The following TIMM13 variants were observed in gnomAD, a reference collection of about 807,000 sequenced individuals.
TIMM13 encodes mitochondrial import inner membrane translocase subunit Tim13.
TIMM13 carries 8 observed loss-of-function variants against 10.9 expected under a neutral mutation model. The observed-to-expected ratio is 0.73, with a 90% CI of 0.43 to 1.32. The LOEUF (loss-of-function observed/expected upper bound fraction) is 1.32. Ranked by LOEUF, TIMM13 falls within the 40% of genes most tolerant of loss-of-function variation. TIMM13 has a pLI of 0.01. For missense variants in TIMM13, 147 were observed against 132.8 expected (o/e 1.11, Z -0.53); for synonymous variants, 68 against 52.5 (o/e 1.30, Z -1.28).
intron 2 of TIMM13, 87 bp from the exon 3 acceptor site, chr19:2,427,133 G>C: frequency 6.4e-7 from 1 of 1,563,412 alleles, no homozygotes; most frequent in South Asian, 1.1e-5. Context: ...CGCCCGGGCT[G>C]CAGACTACGC....
rs1307345630 is a variant in TIMM13 at position 2,427,246 on chromosome 19, C to T, written c.189+10G>A. The T allele has an allele frequency of 1.9e-6, 3 of 1,612,468 alleles. No homozygotes were observed. Among genetic ancestry groups the T allele is most frequent in the Non-Finnish European group, 2.5e-6 (3 of 1,179,590 alleles). ...TCGCGACCCTTGCCCCGAACCTCCG[C>T]GGGTCTCACCTGCTCGGAGTTGTCC... On this transcript the variant is annotated intron_variant, in intron 2 of 2. Coordinates refer to ENST00000215570, the MANE Select transcript of TIMM13 (RefSeq NM_012458.4).
In TIMM13 at chr19:2,426,580, T is replaced by G. The variant is rs1971641010; in HGVS notation, c.*368A>C. Reference sequence around the variant, plus strand: ...GAGGTTTCTCTCCGTCCTCCACCAATTTATTTGCCCATCCGCAGGAGGTGA... The same window carrying G: ...GAGGTTTCTCTCCGTCCTCCACCAAGTTATTTGCCCATCCGCAGGAGGTGA... On this transcript the variant is annotated 3_prime_UTR_variant, in exon 3 of 3. Coordinates refer to ENST00000215570, the MANE Select transcript of TIMM13 (RefSeq NM_012458.4). 8.5e-6 allele frequency: 3 copies of G among 352,626 alleles called. No homozygotes were observed. Among genetic ancestry groups the G allele is most frequent in the Non-Finnish European group, 1.6e-5 (3 of 190,144 alleles). 21.8% of individuals were successfully genotyped at this position (352,626 alleles called of 1,614,324 possible). A position where few individuals can be genotyped will look rare whatever the true frequency, so the allele number is the denominator to read the frequency against.
At position 2,425,890 on chromosome 19, in the gene TIMM13, AC is replaced by A; in HGVS notation, c.*1057del. The A allele has an allele frequency of 6.4e-7, 1 of 1,554,362 alleles. No homozygotes were observed. Among genetic ancestry groups the A allele is most frequent in the Non-Finnish European group, 8.6e-7 (1 of 1,157,404 alleles). On this transcript the variant is annotated 3_prime_UTR_variant, in exon 3 of 3. Coordinates refer to ENST00000215570, the MANE Select transcript of TIMM13 (RefSeq NM_012458.4). Reference sequence around the variant, plus strand: ...ACCCAAGGGCTGCTGTAGGGGAGGTACCGGCCTCTGAACCCCCTTTCTTCTC... The same window carrying A: ...ACCCAAGGGCTGCTGTAGGGGAGGTACGGCCTCTGAACCCCCTTTCTTCTC...
In TIMM13 at chr19:2,426,076, C is replaced by T. The variant is rs777435631; in HGVS notation, c.*872G>A. On this transcript the variant is annotated 3_prime_UTR_variant, in exon 3 of 3. Transcript: ENST00000215570. ...CTGTGAGAGGCTGGATAGGACAGCA[C>T]ATCCAGGAGTGACCACCACGTGACT... 4 of 1,606,070 alleles carry T rather than the reference C, an allele frequency of 2.5e-6. No homozygotes were observed. The African/African-American group carries it at 4.0e-5, about 16-fold the overall frequency.
In TIMM13 at chr19:2,425,877, C is replaced by T; in HGVS notation, c.*1071G>A. 3 of 1,535,804 alleles carry T rather than the reference C, an allele frequency of 2.0e-6. No individual in the cohort carries two copies. In the South Asian group the frequency reaches 3.8e-5, roughly 19 times the overall value. ...AGAGGGGCCAATGACCCAAGGGCTG[C>T]TGTAGGGGAGGTACCGGCCTCTGAA... On this transcript the variant is annotated 3_prime_UTR_variant, in exon 3 of 3. Transcript: ENST00000215570.
At position 2,426,391 on chromosome 19, in the gene TIMM13, G is replaced by A. The variant is rs1039662054; in HGVS notation, c.*557C>T. 4 of 353,208 alleles carry A rather than the reference G, an allele frequency of 1.1e-5. No individual in the cohort carries two copies. The highest frequency in any genetic ancestry group is 9.6e-5 in the Admixed American group (2 of 20,792). The allele number at this position is 353,208 out of a possible 1,614,324, so 21.9% of individuals were successfully genotyped here. Reference sequence around the variant, plus strand: ...GGAAGGCTGTCCCCCTTAGCCTTTGGGGCAGGGGTGGCAGCAGCAACACAT... The same window carrying A: ...GGAAGGCTGTCCCCCTTAGCCTTTGAGGCAGGGGTGGCAGCAGCAACACAT... On this transcript the variant is annotated 3_prime_UTR_variant, in exon 3 of 3. Transcript: ENST00000215570.
intron 2 of TIMM13, 49 bp downstream of exon 2, chr19:2,427,207 T>A (rs200463891): frequency 8.0e-6 from 10 of 1,254,904 alleles, no homozygotes; most frequent in Non-Finnish European, 9.4e-6. Context: ...ACCTCCCCCC[T>A]CGAATCTAGG....
rs374548115 is a variant in TIMM13 at position 2,425,892 on chromosome 19, C to T, written c.*1056G>A. The T allele has an allele frequency of 3.0e-5, 46 of 1,555,174 alleles. No homozygotes were observed. Among genetic ancestry groups the T allele is most frequent in the Non-Finnish European group, 4.0e-5 (46 of 1,157,816 alleles). ...CCAAGGGCTGCTGTAGGGGAGGTAC[C>T]GGCCTCTGAACCCCCTTTCTTCTCT... On this transcript the variant is annotated 3_prime_UTR_variant, in exon 3 of 3. Transcript: ENST00000215570.
Position 2,427,483 on chromosome 19 carries a change from C to T in TIMM13, c.51G>A (p.Leu17=). The T allele has an allele frequency of 1.9e-6, 3 of 1,612,290 alleles. No individual in the cohort carries two copies. The highest frequency in any genetic ancestry group is 2.5e-6 in the Non-Finnish European group (3 of 1,179,546). Residue 17 remains leucine (L), a synonymous_variant, in exon 1 of 3, where the codon CTG becomes CTA. Transcript: ENST00000215570. ...CCTGCTCCATTATGAGCCCTGGGTC[C>T]AGCTTCCCGCTGCCGGAGCCCCCGA... ...SDFGGSGSGK[L]DPGLIMEQVK... is the part of the protein sequence containing the mutation.
rs1568197361 is a variant in TIMM13, at chr19:2,426,843, GGT to G, written c.*103_*104del. On this transcript the variant is annotated 3_prime_UTR_variant, in exon 3 of 3. Coordinates refer to ENST00000215570, the MANE Select transcript of TIMM13 (RefSeq NM_012458.4). ...ACACAGTCCCGTGTGTCCCAGCACC[GGT>G]GCCACCCTCCTAAGCCCCGGGCAGG... 1.8e-6 allele frequency: 2 copies of G among 1,135,836 alleles called. No individual in the cohort carries two copies. The highest frequency in any genetic ancestry group is 3.1e-5 in the African/African-American group (2 of 65,366). The allele number at this position is 1,135,836 out of a possible 1,614,324, so 70.4% of individuals were successfully genotyped here. A position where few individuals can be genotyped will look rare whatever the true frequency, so the allele number is the denominator to read the frequency against.
Position 2,426,639 on chromosome 19 carries a change from G to GAAGTC in TIMM13, c.*304_*308dup. On this transcript the variant is annotated 3_prime_UTR_variant, in exon 3 of 3. Coordinates refer to ENST00000215570, the MANE Select transcript of TIMM13 (RefSeq NM_012458.4). ...GTGGTGTCTGACCACCCCCAACTCC[G>GAAGTC]AAGTCCAGACAAGCTGTCCGCCCAG... The GAAGTC allele has an allele frequency of 4.2e-6, 2 of 478,324 alleles. No individual in the cohort carries two copies. Among genetic ancestry groups the GAAGTC allele is most frequent in the Non-Finnish European group, 7.5e-6 (2 of 265,240 alleles). 29.6% of individuals were successfully genotyped at this position (478,324 alleles called of 1,614,324 possible).
chr19:2,426,269 G>GTCACA lies in TIMM13; in HGVS notation c.*678_*679insTGTGA, dbSNP rs1748591620. The GTCACA allele has an allele frequency of 6.0e-6, 2 of 335,034 alleles. No individual in the cohort carries two copies. The highest frequency in any genetic ancestry group is 8.8e-6 in the Non-Finnish European group (2 of 226,482). 20.8% of individuals were successfully genotyped at this position (335,034 alleles called of 1,614,324 possible). ...CACAGCCCCTCCACCCTAGCTCACT[G>GTCACA]GCTCAGCACCTCAGTGTCACAGCGA... On this transcript the variant is annotated 3_prime_UTR_variant, in exon 3 of 3. Transcript: ENST00000215570.
intron 2 of TIMM13, 36 bp downstream of exon 2, chr19:2,427,220 C>T (rs184924628): frequency 0.014 from 22,145 of 1,609,174 alleles, 212 homozygotes; most frequent in Non-Finnish European, 0.016. Flanking sequence ...AATCTAGGCC[C>T]TCGCGACCCT....
At position 2,426,689 on chromosome 19, in the gene TIMM13, T is replaced by C. The variant is rs1485299583; in HGVS notation, c.*259A>G. 11 of 577,794 alleles carry C rather than the reference T, an allele frequency of 1.9e-5. No individual in the cohort carries two copies. The highest frequency in any genetic ancestry group is 3.1e-5 in the Non-Finnish European group (10 of 322,438). The allele number at this position is 577,794 out of a possible 1,614,324, so 35.8% of individuals were successfully genotyped here. On this transcript the variant is annotated 3_prime_UTR_variant, in exon 3 of 3. Coordinates refer to ENST00000215570, the MANE Select transcript of TIMM13 (RefSeq NM_012458.4). ...GAATATGAGGCTGACTTGGGCACACTAGGGGAATACCCCAAAGGCCTGAAG... is the reference window on the plus strand; with the variant it reads ...GAATATGAGGCTGACTTGGGCACACCAGGGGAATACCCCAAAGGCCTGAAG...
At chr19:2,427,146 G>C in intron 2 of TIMM13, 100 bp from the exon 3 acceptor site, 1 of 1,567,554 alleles carries the variant, frequency 6.4e-7, no homozygotes, top group Non-Finnish European at 8.7e-7. Context: ...GACTACGCAC[G>C]TGCAGTGACC....
At position 2,427,046 on chromosome 19, in the gene TIMM13, T is replaced by G; in HGVS notation, c.190A>C (p.Lys64Gln). The change falls in exon 3 of 3, where the codon AAG (lysine) becomes CAG (glutamine). Residue 64 changes from lysine (K) to glutamine (Q), a missense_variant and splice_region_variant. Transcript: ENST00000215570. ...CGGTCCATGCACATGGCGATGCACT[T>G]CTGCGGGAGCGGAGGGGCGCACGGC... Reference protein sequence around the residue: ...PGGSLDNSEQKCIAMCMDRYM... With the variant: ...PGGSLDNSEQQCIAMCMDRYM... 6.2e-7 allele frequency: 1 copy of G among 1,608,416 alleles called. No homozygotes were observed.
chr19:2,425,718 G>C lies in TIMM13; in HGVS notation c.*1230C>G. ...GGGCCTCGGCGGCAGAGCAGGCAGA[G>C]GCTGCAGTGGGAGGCACCGTTCCAC... On this transcript the variant is annotated 3_prime_UTR_variant, in exon 3 of 3. Transcript: ENST00000215570. 8.6e-7 allele frequency: 1 copy of C among 1,159,212 alleles called. No individual in the cohort carries two copies. Among genetic ancestry groups the C allele is most frequent in the Non-Finnish European group, 1.2e-6 (1 of 861,090 alleles). The allele number at this position is 1,159,212 out of a possible 1,614,324, so 71.8% of individuals were successfully genotyped here.
In TIMM13 at chr19:2,427,024, T is replaced by C. The variant is rs760905760; in HGVS notation, c.212A>G (p.Asp71Gly). Reference protein sequence around the residue: ...SEQKCIAMCMDRYMDAWNTVS... With the variant: ...SEQKCIAMCMGRYMDAWNTVS... ...GGTGTTCCAGGCGTCCATGTAGCGG[T>C]CCATGCACATGGCGATGCACTTCTG... Residue 71 changes from aspartate (D) to glycine (G), a missense_variant, in exon 3 of 3, where the codon GAC becomes GGC. By Grantham distance (94) the Asp-to-Gly change is moderately conservative (BLOSUM62 -1). Transcript: ENST00000215570. 18 of 1,609,142 alleles carry C rather than the reference T, an allele frequency of 1.1e-5. No individual in the cohort carries two copies. The Admixed American group carries it at 2.9e-4, about 26-fold the overall frequency.
Position 2,427,523 on chromosome 19 carries a change from C to T in TIMM13, c.11G>A (p.Gly4Asp), listed in dbSNP as rs767793179. Reference sequence around the variant, plus strand: ...GGAGCCCCCGAAATCGGAGCCGAAGCCGCCCTCCATGGCTCCGCAAAGTCA... The same window carrying T: ...GGAGCCCCCGAAATCGGAGCCGAAGTCGCCCTCCATGGCTCCGCAAAGTCA... MEGGFGSDFGGSGS... is the reference protein window; with the variant it reads MEGDFGSDFGGSGS... The change falls in exon 1 of 3, where the codon GGC (glycine) becomes GAC (aspartate). Residue 4 changes from glycine to aspartate, a missense_variant. By Grantham distance (94) the Gly-to-Asp change is moderately conservative. Coordinates refer to ENST00000215570, the MANE Select transcript of TIMM13 (RefSeq NM_012458.4). 15 of 1,606,042 alleles carry T rather than the reference C, an allele frequency of 9.3e-6. No individual in the cohort carries two copies. The African/African-American group carries it at 1.3e-4, about 14-fold the overall frequency.
Sources: gnomAD v4.1 joint callset for allele counts on GRCh38, gnomAD v4.1.1 for gene constraint, MANE v1.5 for transcripts, NCBI Gene and HGNC (gene_info 2026-07-23, HGNC 2026-07-21) for gene names.